Variants in CALN1 observed in about 807,000 individuals in gnomAD.
The protein encoded by CALN1 is calcium-binding protein 8.
In CALN1, 17 loss-of-function variants were observed where a neutral mutation model predicts 30.6. The ratio of observed to expected loss-of-function variants is 0.56; its 90% confidence interval spans 0.38 to 0.83. CALN1 has a LOEUF of 0.83. Ranked by LOEUF, CALN1 falls within the 40% of genes least tolerant of loss-of-function variation. The pLI is 0.00. For synonymous variants in CALN1, 156 were observed against 131.4 expected (o/e 1.19, Z -1.28); for missense variants, 291 against 354.9 (o/e 0.82, Z 1.45).
intron 4 of CALN1, among the ~76,000 whole-genome samples, chr7:72,097,418 ACAG>A (rs1806312091): frequency 1.3e-5 from 2 of 152,140 alleles, no homozygotes; most frequent in African/African-American, 4.8e-5. Flanking sequence ...GATCACCCAA[ACAG>A]CTGCTGTGGG....
intron 6 of CALN1, among the ~76,000 whole-genome samples, chr7:71,802,032 G>C (rs1346358918): frequency 6.6e-6 from 1 of 151,638 alleles, no homozygotes; most frequent in Admixed American, 6.6e-5. Context: ...GCAATTACTT[G>C]TGCACCAACC....
intron 5 of CALN1, among the ~76,000 whole-genome samples, chr7:72,022,591 G>A (rs767948668): frequency 6.6e-6 from 1 of 151,996 alleles, no homozygotes; most frequent in South Asian, 2.1e-4. Flanking sequence ...ACGGGATCTC[G>A]CTATGTTACC....
chr7:72,003,967 G>A (rs762149314), intron 5 of CALN1, among the ~76,000 whole-genome samples: 6 of 152,050 alleles, frequency 3.9e-5, no homozygotes, highest in Admixed American at 6.6e-5. Flanking sequence ...CTCCCAAGTT[G>A]ACTTATAGGT....
chr7:72,195,925 C>T (rs1303909816), intron 3 of CALN1, among the ~76,000 whole-genome samples: 6 of 152,062 alleles, frequency 3.9e-5, no homozygotes, highest in Non-Finnish European at 5.9e-5. Flanking sequence ...GGTACTGATA[C>T]ATGCTACAAC....
chr7:72,396,180 T>TA (rs2129561697), intron 2 of CALN1, among the ~76,000 whole-genome samples: 1 of 142,772 alleles, frequency 7.0e-6, no homozygotes, highest in Non-Finnish European at 1.5e-5. Context: ...GCAGATCACT[T>TA]AAAGTCAGGA....
chr7:72,431,186 T>G (rs1198324610), intron 1 of CALN1, among the ~76,000 whole-genome samples: 2 of 152,048 alleles, frequency 1.3e-5, no homozygotes, highest in African/African-American at 2.4e-5. Flanking sequence ...GGCCTCAGCC[T>G]CCCAAAGTGC....
chr7:72,193,017 A>C (rs984572902), intron 3 of CALN1, among the ~76,000 whole-genome samples: 2 of 151,772 alleles, frequency 1.3e-5, no homozygotes, highest in African/African-American at 4.8e-5. Flanking sequence ...GCAAAATCCC[A>C]TCTCTGCTAA....
chr7:72,384,596 G>C (rs1191897533), intron 2 of CALN1, among the ~76,000 whole-genome samples: 2 of 151,824 alleles, frequency 1.3e-5, no homozygotes, highest in African/African-American at 4.8e-5. Context: ...TTGCATGTGT[G>C]ATCAGCTACT....
chr7:72,335,009 C>T (rs1324439767), intron 2 of CALN1, among the ~76,000 whole-genome samples: 2 of 152,112 alleles, frequency 1.3e-5, no homozygotes, highest in Non-Finnish European at 2.9e-5. Flanking sequence ...GGGGAACTAG[C>T]AAAGTTATGC....
chr7:71,859,458 T>C (rs1226121322), intron 5 of CALN1, among the ~76,000 whole-genome samples: 2 of 152,216 alleles, frequency 1.3e-5, no homozygotes, highest in Non-Finnish European at 2.9e-5. Context: ...GGAATGTGTA[T>C]GGGTTGTTCC....
chr7:72,007,116 G>A (rs1487870405), intron 5 of CALN1, among the ~76,000 whole-genome samples: 2 of 152,098 alleles, frequency 1.3e-5, no homozygotes, highest in Non-Finnish European at 2.9e-5. Context: ...AAAATTCTTG[G>A]ACCAGGACTG....
intron 5 of CALN1, among the ~76,000 whole-genome samples, chr7:71,829,924 T>C (rs1182201935): frequency 1.3e-5 from 2 of 152,182 alleles, no homozygotes; most frequent in African/African-American, 2.4e-5. Flanking sequence ...CAGACAAGCA[T>C]GTATTACAGA....
chr7:71,793,929 A>G (rs1209320330), intron 6 of CALN1, among the ~76,000 whole-genome samples: 1 of 152,194 alleles, frequency 6.6e-6, no homozygotes, highest in Non-Finnish European at 1.5e-5. Flanking sequence ...GATTATGCAT[A>G]TAGGAAGGAA....
At chr7:71,925,589 T>A (rs776661984) in intron 5 of CALN1, among the ~76,000 whole-genome samples, 10 of 152,222 alleles carry the variant, frequency 6.6e-5, no homozygotes, top group Admixed American at 1.3e-4. Context: ...AATTCATTTT[T>A]AAAATATTTT....
Position 72,386,056 on chromosome 7 carries a change from A to C in CALN1, c.119+17195T>G, listed in dbSNP as rs562560259. 5.9e-5 allele frequency among the ~76,000 whole-genome samples: 9 copies of C among 152,358 alleles called. No homozygotes were observed. In the South Asian group the frequency reaches 1.9e-3, roughly 32 times the overall value. ...CTACCTACTGTATGCTTCCAATCAC[A>C]CAATATTCTGGAAAAGGCAAAACTA... On this transcript the variant is annotated intron_variant, in intron 2 of 6. Transcript: ENST00000395275.
chr7:72,426,203 A>AGGCCC (rs1807795371), intron 1 of CALN1, among the ~76,000 whole-genome samples: 1 of 152,258 alleles, frequency 6.6e-6, no homozygotes, highest in African/African-American at 2.4e-5. Flanking sequence ...TGAGGGGCCC[A>AGGCCC]GGCCCAGCCC....
At chr7:71,828,011 T>A (rs1317177480) in intron 5 of CALN1, among the ~76,000 whole-genome samples, 2 of 152,060 alleles carry the variant, frequency 1.3e-5, no homozygotes, top group African/African-American at 4.8e-5. Flanking sequence ...ACAATGAATA[T>A]GTATCACTGG....
At chr7:72,141,677 T>G (rs1157467700) in intron 3 of CALN1, among the ~76,000 whole-genome samples, 1 of 152,110 alleles carries the variant, frequency 6.6e-6, no homozygotes, top group African/African-American at 2.4e-5. Flanking sequence ...CAAGCGATTC[T>G]CCTGCTTCAG....
chr7:72,257,061 G>A (rs1031415157), intron 3 of CALN1, among the ~76,000 whole-genome samples: 1 of 152,102 alleles, frequency 6.6e-6, no homozygotes, highest in Non-Finnish European at 1.5e-5. Flanking sequence ...CATATGGCTG[G>A]GGAGGCCTCA....
Sources: gnomAD v4.1 joint callset for allele counts (sites outside exome capture counted in the v4.1 genomes callset) on GRCh38, gnomAD v4.1.1 for gene constraint, MANE v1.5 for transcripts, NCBI Gene and HGNC (gene_info 2026-07-23, HGNC 2026-07-21) for gene names.